The following IL11 variants were observed in gnomAD, a reference collection of about 807,000 sequenced individuals.
IL11 encodes interleukin-11.
Under a neutral mutation model 18.1 loss-of-function variants are expected in IL11, and 17 were observed. The observed-to-expected ratio is 0.94, with a 90% CI of 0.64 to 1.41. The LOEUF (loss-of-function observed/expected upper bound fraction) is 1.41, where lower values mean the gene tolerates loss of function less well. Ranked by LOEUF, IL11 falls within the 40% of genes most tolerant of loss-of-function variation. IL11 has a pLI of 0.00. For synonymous variants in IL11, 144 were observed against 134.1 expected (o/e 1.07, Z -0.51); for missense variants, 309 against 262.8 (o/e 1.18, Z -1.22).
In IL11 at chr19:55,368,071, C is replaced by A. The variant is rs963665811; in HGVS notation, c.429+139G>T. ...CTGTTACGGTGTCAGGGTCTCAGAG[C>A]GGGCTGTTAGGGTGTCAGGGTCTCA... is the stretch of plus-strand genomic sequence containing the variant. On this transcript the variant is annotated intron_variant, in intron 4 of 4. Transcript: ENST00000264563. The A allele has an allele frequency of 2.8e-5, 19 of 688,872 alleles. 1 individual carries two copies. In the East Asian group the frequency reaches 4.4e-4, roughly 16 times the overall value. 42.7% of individuals were successfully genotyped at this position (688,872 alleles called of 1,614,324 possible). A position where few individuals can be genotyped will look rare whatever the true frequency, so the allele number is the denominator to read the frequency against.
In IL11 at chr19:55,369,436, G is replaced by GGGGAAGGAGCCAGAAGCC. The variant is rs2123244029; in HGVS notation, c.8-513_8-496dup. On this transcript the variant is annotated intron_variant, in intron 1 of 4. Transcript: ENST00000264563. This position sits in a 1 kb window ranked among gnomAD's most constrained non-coding sequence, Gnocchi z 6.1. ...CGGGAGCCCGAGCTGGCTGGGAGCA[G>GGGGAAGGAGCCAGAAGCC]GGGAAGGAGCCAGAAGCCAGGACGG... 6.6e-6 allele frequency among the ~76,000 whole-genome samples: 1 copy of GGGGAAGGAGCCAGAAGCC among 151,786 alleles called. No homozygotes were observed. The highest frequency in any genetic ancestry group is 2.0e-4 in the East Asian group (1 of 5,110).
In IL11 at chr19:55,366,280, G is replaced by T. The variant is rs1780191468; in HGVS notation, c.430-103C>A. On this transcript the variant is annotated intron_variant, in intron 4 of 4. Coordinates refer to ENST00000264563, the MANE Select transcript of IL11 (RefSeq NM_000641.4). The surrounding 1 kb of genome is among the most constrained non-coding windows in gnomAD (Gnocchi z 4.6). ...GCTGAATCGGGGCTGCATATTCACA[G>T]GGGGACTGTGGCGCGTGGGGTGAAG... 3.5e-5 allele frequency: 44 copies of T among 1,256,220 alleles called. 1 individual carries two copies. The South Asian group carries it at 6.8e-4, about 19-fold the overall frequency. 77.8% of individuals were successfully genotyped at this position (1,256,220 alleles called of 1,614,324 possible). A position where few individuals can be genotyped will look rare whatever the true frequency, so the allele number is the denominator to read the frequency against.
rs2123243470 is a variant in IL11 at position 55,369,074 on chromosome 19, C to G, written c.8-133G>C. On this transcript the variant is annotated intron_variant, in intron 1 of 4. Transcript: ENST00000264563. This position sits in a 1 kb window ranked among gnomAD's most constrained non-coding sequence, Gnocchi z 6.1. ...CCTCCTGGGTCTGAGGGAGGAGAGG[C>G]TGGGGGCCTGGACTCCTAGGTCTGA... 1.4e-6 allele frequency: 1 copy of G among 720,036 alleles called. No homozygotes were observed. Among genetic ancestry groups the G allele is most frequent in the Non-Finnish European group, 2.1e-6 (1 of 475,344 alleles). The allele number at this position is 720,036 out of a possible 1,614,324, so 44.6% of individuals were successfully genotyped here. A position where few individuals can be genotyped will look rare whatever the true frequency, so the allele number is the denominator to read the frequency against.
At position 55,366,279 on chromosome 19, in the gene IL11, A is replaced by C. The variant is rs1374417784; in HGVS notation, c.430-102T>G. ...AGCTGAATCGGGGCTGCATATTCAC[A>C]GGGGGACTGTGGCGCGTGGGGTGAA... On this transcript the variant is annotated intron_variant, in intron 4 of 4. Coordinates refer to ENST00000264563, the MANE Select transcript of IL11 (RefSeq NM_000641.4). This position sits in a 1 kb window ranked among gnomAD's most constrained non-coding sequence, Gnocchi z 4.6. The C allele has an allele frequency of 1.5e-6, 2 of 1,294,562 alleles. No homozygotes were observed. Among genetic ancestry groups the C allele is most frequent in the Non-Finnish European group, 2.0e-6 (2 of 979,664 alleles). 80.2% of individuals were successfully genotyped at this position (1,294,562 alleles called of 1,614,324 possible).
rs1442380870 is a variant in IL11, at chr19:55,368,347, G to A, written c.292C>T (p.Arg98Ter). 2 of 1,599,262 alleles carry A rather than the reference G, an allele frequency of 1.3e-6. No homozygotes were observed. Among genetic ancestry groups the A allele is most frequent in the East Asian group, 2.3e-5 (1 of 44,350 alleles). The change falls in exon 4 of 5, where the codon CGA becomes TGA. Residue 98 changes from arginine (R) to a stop codon, truncating the protein, a stop_gained. Coordinates refer to ENST00000264563, the MANE Select transcript of IL11 (RefSeq NM_000641.4). LOFTEE classifies it high-confidence loss of function. ...LQLPGVLTRL[R>*]ADLLSYLRHV... ...CGCAGGTAGGACAGTAGGTCCGCTC[G>A]CAGCCTTGTCAGCACACCTGGGAGC...
At position 55,368,839 on chromosome 19, in the gene IL11, G is replaced by T. The variant is rs764519258; in HGVS notation, c.110C>A (p.Ala37Asp). The change falls in exon 2 of 5, where the codon GCC becomes GAC. Residue 37 changes from alanine to aspartate, a missense_variant. Transcript: ENST00000264563. ...GPPRVSPDPR[A>D]ELDSTVLLTR... ...CAGGAGCACGGTGCTGTCCAGCTCGGCCCGAGGGTCTGGGGAAACTCGAGG... is the reference window on the plus strand; with the variant it reads ...CAGGAGCACGGTGCTGTCCAGCTCGTCCCGAGGGTCTGGGGAAACTCGAGG... The T allele has an allele frequency of 1.9e-6, 3 of 1,589,498 alleles. No homozygotes were observed. Among genetic ancestry groups the T allele is most frequent in the East Asian group, 2.3e-5 (1 of 44,108 alleles).
Position 55,366,460 on chromosome 19 carries a change from T to TA in IL11, c.430-284dup, listed in dbSNP as rs2089786805. Reference sequence around the variant, plus strand: ...GGTGAGGGATCGGGCCTGGGACTGTTAGAGTCGCCGGGGCTGGAATCTCAG... The same window carrying TA: ...GGTGAGGGATCGGGCCTGGGACTGTTAAGAGTCGCCGGGGCTGGAATCTCAG... On this transcript the variant is annotated intron_variant, in intron 4 of 4. Transcript: ENST00000264563. The surrounding 1 kb of genome is among the most constrained non-coding windows in gnomAD (Gnocchi z 4.6). Among the ~76,000 whole-genome samples, 1 of 151,866 alleles carries TA rather than the reference T, an allele frequency of 6.6e-6. No individual in the cohort carries two copies. The highest frequency in any genetic ancestry group is 1.5e-5 in the Non-Finnish European group (1 of 67,954).
In IL11 at chr19:55,365,810, C is replaced by T. The variant is rs2089781344; in HGVS notation, c.*197G>A. The T allele has an allele frequency of 2.3e-6, 2 of 855,520 alleles. No individual in the cohort carries two copies. The highest frequency in any genetic ancestry group is 1.8e-5 in the African/African-American group (1 of 56,194). The allele number at this position is 855,520 out of a possible 1,614,324, so 53.0% of individuals were successfully genotyped here. ...TCCTCCTCGGGGACCCAGGAGTCCACCTGCCTCCCACCCCTGCTCCTGAAA... is the reference window on the plus strand; with the variant it reads ...TCCTCCTCGGGGACCCAGGAGTCCATCTGCCTCCCACCCCTGCTCCTGAAA... On this transcript the variant is annotated 3_prime_UTR_variant, in exon 5 of 5. Transcript: ENST00000264563.
At chr19:55,368,174 G>C (rs1353140374) in intron 4 of IL11, 36 bp downstream of exon 4, 3 of 1,491,188 alleles carry the variant, frequency 2.0e-6, no homozygotes, top group Non-Finnish European at 2.7e-6. Flanking sequence ...CCAGGGGTGG[G>C]GGTCTGGGGT....
chr19:55,364,862 G>A lies in IL11; in HGVS notation c.*1145C>T, dbSNP rs534651788. ...CTGAATGACAGTCCCTGCTCCGGGC[G>A]GCTGGGTGGCGTTCTATCCACAGAT... On this transcript the variant is annotated 3_prime_UTR_variant, in exon 5 of 5. Coordinates refer to ENST00000264563, the MANE Select transcript of IL11 (RefSeq NM_000641.4). 1.3e-5 allele frequency: 2 copies of A among 152,250 alleles called. No individual in the cohort carries two copies. The highest frequency in any genetic ancestry group is 1.9e-4 in the East Asian group (1 of 5,180). The allele number at this position is 152,250 out of a possible 1,614,324, so 9.4% of individuals were successfully genotyped here.
In IL11 at chr19:55,366,471, G is replaced by C. The variant is rs1348629149; in HGVS notation, c.430-294C>G. Among the ~76,000 whole-genome samples, 1 of 151,980 alleles carries C rather than the reference G, an allele frequency of 6.6e-6. No individual in the cohort carries two copies. The highest frequency in any genetic ancestry group is 1.5e-5 in the Non-Finnish European group (1 of 68,016). On this transcript the variant is annotated intron_variant, in intron 4 of 4. Transcript: ENST00000264563. The surrounding 1 kb of genome is among the most constrained non-coding windows in gnomAD (Gnocchi z 4.6). ...GGGCCTGGGACTGTTAGAGTCGCCG[G>C]GGCTGGAATCTCAGAGCTGGGTTTT...
rs1341701346 is a variant in IL11 at position 55,366,375 on chromosome 19, G to A, written c.430-198C>T. Among the ~76,000 whole-genome samples the A allele has an allele frequency of 6.6e-6, 1 of 151,978 alleles. No homozygotes were observed. Among genetic ancestry groups the A allele is most frequent in the Non-Finnish European group, 1.5e-5 (1 of 67,970 alleles). On this transcript the variant is annotated intron_variant, in intron 4 of 4. Transcript: ENST00000264563. The surrounding 1 kb of genome is among the most constrained non-coding windows in gnomAD (Gnocchi z 4.6). Reference sequence around the variant, plus strand: ...AGGCTGGAGTCAGGACGGGCTTCCAGAGCTGAGTGTGGGGGTTGGGGGTGA... The same window carrying A: ...AGGCTGGAGTCAGGACGGGCTTCCAAAGCTGAGTGTGGGGGTTGGGGGTGA...
rs747595809 is a variant in IL11, at chr19:55,364,905, C to A, written c.*1102G>T. ...CCACAGATGCACCATGTTGCTTAAC[C>A]CTCACTGTTGGATATCTAGATTGTT... On this transcript the variant is annotated 3_prime_UTR_variant, in exon 5 of 5. Coordinates refer to ENST00000264563, the MANE Select transcript of IL11 (RefSeq NM_000641.4). 6.6e-6 allele frequency: 1 copy of A among 152,206 alleles called. No individual in the cohort carries two copies. Among genetic ancestry groups the A allele is most frequent in the Non-Finnish European group, 1.5e-5 (1 of 68,050 alleles). The allele number at this position is 152,206 out of a possible 1,614,324, so 9.4% of individuals were successfully genotyped here.
rs2089787758 is a variant in IL11 at position 55,366,611 on chromosome 19, G to A, written c.430-434C>T. Among the ~76,000 whole-genome samples the A allele has an allele frequency of 6.6e-6, 1 of 152,106 alleles. No homozygotes were observed. Among genetic ancestry groups the A allele is most frequent in the African/African-American group, 2.4e-5 (1 of 41,392 alleles). ...GGATGGCCTGAGCTCAGGAGTTTGT[G>A]ACCAGCCTGGGCAACACGGTGAAAC... On this transcript the variant is annotated intron_variant, in intron 4 of 4. Coordinates refer to ENST00000264563, the MANE Select transcript of IL11 (RefSeq NM_000641.4). The surrounding 1 kb of genome is among the most constrained non-coding windows in gnomAD (Gnocchi z 4.6).
rs775994182 is a variant in IL11, at chr19:55,366,140, G to T, written c.467C>A (p.Pro156Gln). 4.6e-6 allele frequency: 7 copies of T among 1,509,098 alleles called. No individual in the cohort carries two copies. The highest frequency in any genetic ancestry group is 5.3e-6 in the Non-Finnish European group (6 of 1,122,508). 93.5% of individuals were successfully genotyped at this position (1,509,098 alleles called of 1,614,324 possible). Residue 156 changes from proline to glutamine, a missense_variant, in exon 5 of 5, where the codon CCG becomes CAG. By Grantham distance (76) the Pro-to-Gln change is moderately conservative (BLOSUM62 -1). Coordinates refer to ENST00000264563, the MANE Select transcript of IL11 (RefSeq NM_000641.4). The surrounding 1 kb of genome is among the most constrained non-coding windows in gnomAD (Gnocchi z 4.6). Reference sequence around the variant, plus strand: ...GGGGGGCGCCAGCGGGGGCGCCGGCGGGTCCGGGGGTGGCTGGGGCAGGGC... The same window carrying T: ...GGGGGGCGCCAGCGGGGGCGCCGGCTGGTCCGGGGGTGGCTGGGGCAGGGC... ...RLALPQPPPD[P>Q]PAPPLAPPSS... is the part of the protein sequence containing the mutation.
chr19:55,368,876 G>T lies in IL11; in HGVS notation c.73C>A (p.Pro25Thr). ...GGGGAAACTCGAGGGGGGCCAGGTG[G>T]TGGCCCAGGGGCGACAGCTGTATCT... The part of the protein sequence containing the change: ...WPDTAVAPGP[P>T]PGPPRVSPDP... The change falls in exon 2 of 5, where the codon CCA becomes ACA. Residue 25 changes from proline (P) to threonine (T), a missense_variant. Physicochemically the swap from Pro to Thr is conservative, Grantham distance 38. Coordinates refer to ENST00000264563, the MANE Select transcript of IL11 (RefSeq NM_000641.4). 6.4e-7 allele frequency: 1 copy of T among 1,571,118 alleles called. No individual in the cohort carries two copies. The highest frequency in any genetic ancestry group is 2.3e-5 in the East Asian group (1 of 43,304).
At position 55,368,942 on chromosome 19, in the gene IL11, C is replaced by A; in HGVS notation, c.8-1G>T. ...ACGACCAGGACCAGGCGGCAAACACCTGGGGGCAGGATAAGGCAGAGAGCT... is the reference window on the plus strand; with the variant it reads ...ACGACCAGGACCAGGCGGCAAACACATGGGGGCAGGATAAGGCAGAGAGCT... On this transcript the variant is annotated splice_acceptor_variant, in intron 1 of 4. Coordinates refer to ENST00000264563, the MANE Select transcript of IL11 (RefSeq NM_000641.4). LOFTEE classifies it high-confidence loss of function. The A allele has an allele frequency of 6.6e-7, 1 of 1,505,122 alleles. No individual in the cohort carries two copies. Among genetic ancestry groups the A allele is most frequent in the Non-Finnish European group, 8.9e-7 (1 of 1,121,072 alleles). 93.2% of individuals were successfully genotyped at this position (1,505,122 alleles called of 1,614,324 possible). A position where few individuals can be genotyped will look rare whatever the true frequency, so the allele number is the denominator to read the frequency against.
Position 55,366,057 on chromosome 19 carries a change from T to C in IL11, c.550A>G (p.Thr184Ala). The change falls in exon 5 of 5, where the codon ACA becomes GCA. Residue 184 changes from threonine to alanine, a missense_variant. Transcript: ENST00000264563. The surrounding 1 kb of genome is among the most constrained non-coding windows in gnomAD (Gnocchi z 4.6). ...AGTCCCCTCACGGCCCAGTCAAGTG[T>C]CAGGTGCAGCCCCCCCAGGATGGCG... is the stretch of plus-strand genomic sequence containing the variant. ...AHAILGGLHL[T>A]LDWAVRGLLL... 1 of 1,601,558 alleles carries C rather than the reference T, an allele frequency of 6.2e-7. No homozygotes were observed. The highest frequency in any genetic ancestry group is 1.3e-5 in the African/African-American group (1 of 74,702).
Sources: gnomAD v4.1 joint callset for allele counts (sites outside exome capture counted in the v4.1 genomes callset) on GRCh38, gnomAD v4.1.1 for gene constraint, Gnocchi (gnomAD v3.1) non-coding constraint, MANE v1.5 for transcripts, NCBI Gene and HGNC (gene_info 2026-07-23, HGNC 2026-07-21) for gene names.